Variants in TNFSF11 observed in about 807,000 individuals in gnomAD.
TNFSF11 encodes the protein tumor necrosis factor ligand superfamily member 11.
In TNFSF11, 12 loss-of-function variants were observed where a neutral mutation model predicts 32.2. That is an observed-to-expected ratio of 0.37 (90% CI 0.24 to 0.60). The LOEUF (loss-of-function observed/expected upper bound fraction) is 0.60, where lower values mean the gene tolerates loss of function less well. Ranked by LOEUF, TNFSF11 falls within the 20% of genes least tolerant of loss-of-function variation. The pLI, the probability that TNFSF11 is intolerant of heterozygous loss-of-function variation, is 0.66. For missense variants in TNFSF11, 345 were observed against 398.0 expected (o/e 0.87, Z 1.13); for synonymous variants, 172 against 152.1 (o/e 1.13, Z -0.96).
chr13:42,569,559 AAAG>A (rs1207112168), upstream of TNFSF11, among the ~76,000 whole-genome samples: 5 of 63,806 alleles, frequency 7.8e-5, no homozygotes, highest in Admixed American at 3.1e-4. Flanking sequence ...AAAAAAAAAA[AAAG>A]AAAAGAAAAG....
intron 2 of TNFSF11, among the ~76,000 whole-genome samples, chr13:42,600,398 T>C (rs1418475303): frequency 1.3e-5 from 2 of 152,232 alleles, no homozygotes; most frequent in African/African-American, 4.8e-5. Flanking sequence ...ATATATTCTG[T>C]GTAGTTGTTA....
intron 2 of TNFSF11, among the ~76,000 whole-genome samples, chr13:42,568,289 T>C (rs1872940398): frequency 6.6e-6 from 1 of 152,246 alleles, no homozygotes; most frequent in Non-Finnish European, 1.5e-5. Flanking sequence ...TGTGTTACTC[T>C]TCCCTCTGTT....
At chr13:42,580,213 G>T (rs1156287068) in intron 1 of TNFSF11, among the ~76,000 whole-genome samples, 1 of 152,178 alleles carries the variant, frequency 6.6e-6, no homozygotes. Context: ...GCTAATTATT[G>T]TTACCCTTTA....
chr13:42,597,804 C>T (rs1868904874), intron 2 of TNFSF11, among the ~76,000 whole-genome samples: 1 of 151,570 alleles, frequency 6.6e-6, no homozygotes, highest in East Asian at 1.9e-4. Context: ...AGTTTGAGGA[C>T]CACTGAGCTA....
rs568132742 is a variant in TNFSF11, at chr13:42,597,797, TTGAGGACCAC to T, written c.388-2950_388-2941del. The stretch of plus-strand genomic sequence containing the variant: ...TGGTGCAATGCATACATGCTCAAGT[TTGAGGACCAC>T]TGAGCTAGGACAAAGGCACTTTTCT... On this transcript the variant is annotated intron_variant, in intron 2 of 4. Coordinates refer to ENST00000398795, the MANE Select transcript of TNFSF11 (RefSeq NM_003701.4). 2.2e-3 allele frequency among the ~76,000 whole-genome samples: 336 copies of T among 152,304 alleles called. 3 individuals are homozygous for T. The highest frequency in any genetic ancestry group is 5.7e-4 in the Non-Finnish European group (39 of 68,016).
chr13:42,585,357 C>T (rs1232928419), intron 2 of TNFSF11, among the ~76,000 whole-genome samples: 2 of 152,182 alleles, frequency 1.3e-5, no homozygotes, highest in Non-Finnish European at 2.9e-5. Flanking sequence ...AGATACCAGA[C>T]ATAAGCACAA....
At chr13:42,568,580 C>A (rs576826156) in intron 2 of TNFSF11, among the ~76,000 whole-genome samples, 1 of 152,216 alleles carries the variant, frequency 6.6e-6, no homozygotes, top group Admixed American at 6.5e-5. Flanking sequence ...AATGGGTAAG[C>A]TGGATTAGAT....
intron 1 of TNFSF11, among the ~76,000 whole-genome samples, chr13:42,575,001 G>A (rs955109781): frequency 6.6e-6 from 1 of 152,240 alleles, no homozygotes; most frequent in African/African-American, 2.4e-5. Context: ...TGGCTGCTCT[G>A]CAGGTGTGCT....
chr13:42,578,132 C>A (rs1230715963), intron 1 of TNFSF11, among the ~76,000 whole-genome samples: 3 of 152,162 alleles, frequency 2.0e-5, no homozygotes, highest in Non-Finnish European at 4.4e-5. Context: ...TAATGATTTG[C>A]AACACTACAG....
chr13:42,601,603 A>G (rs1869179074), intron 4 of TNFSF11, among the ~76,000 whole-genome samples: 1 of 152,332 alleles, frequency 6.6e-6, no homozygotes, highest in Non-Finnish European at 1.5e-5. Flanking sequence ...CCCACTGGTT[A>G]CTTCACCATG....
At chr13:42,596,079 G>T (rs73466199) in intron 2 of TNFSF11, among the ~76,000 whole-genome samples, 2 of 152,114 alleles carry the variant, frequency 1.3e-5, no homozygotes, top group African/African-American at 4.8e-5. Flanking sequence ...AAATATTAGG[G>T]GGCTATCAAA....
intron 2 of TNFSF11, among the ~76,000 whole-genome samples, chr13:42,586,419 A>G (rs953614173): frequency 6.6e-6 from 1 of 152,252 alleles, no homozygotes; most frequent in Non-Finnish European, 1.5e-5. Context: ...CTGTCTTACC[A>G]GTCCTACAAT....
chr13:42,594,333 T>C (rs1868667319), intron 2 of TNFSF11, among the ~76,000 whole-genome samples: 1 of 152,098 alleles, frequency 6.6e-6, no homozygotes. Flanking sequence ...TCCACTTGCC[T>C]CAGCCTCCGA....
chr13:42,581,133 C>A lies in TNFSF11; in HGVS notation c.227C>A (p.Pro76His). Reference sequence around the variant, plus strand: ...ACTGTTTCTCCTCCTCAGATGGATCCTAATAGAATATCAGAAGATGGCACT... The same window carrying A: ...ACTGTTTCTCCTCCTCAGATGGATCATAATAGAATATCAGAAGATGGCACT... ...LFFYFRAQMDPNRISEDGTHC... is the reference protein window; with the variant it reads ...LFFYFRAQMDHNRISEDGTHC... Residue 76 changes from proline (P) to histidine (H), a missense_variant, in exon 2 of 5, where the codon CCT (proline) becomes CAT (histidine). Coordinates refer to ENST00000398795, the MANE Select transcript of TNFSF11 (RefSeq NM_003701.4). 6.2e-7 allele frequency: 1 copy of A among 1,613,960 alleles called. No homozygotes were observed. The highest frequency in any genetic ancestry group is 8.5e-7 in the Non-Finnish European group (1 of 1,179,926).
intron 2 of TNFSF11, among the ~76,000 whole-genome samples, chr13:42,567,782 G>A (rs1215462455): frequency 6.6e-6 from 1 of 152,164 alleles, no homozygotes; most frequent in African/African-American, 2.4e-5. Flanking sequence ...CAAGAGCTAT[G>A]GCCATGCCAG....
intron 1 of TNFSF11, among the ~76,000 whole-genome samples, chr13:42,564,744 A>G (rs1044916819): frequency 6.6e-6 from 1 of 152,210 alleles, no homozygotes; most frequent in African/African-American, 2.4e-5. Flanking sequence ...TAATGTAGAT[A>G]TTATTTTGCA....
intron 1 of TNFSF11, among the ~76,000 whole-genome samples, chr13:42,580,423 T>A (rs1046231235): frequency 1.3e-5 from 2 of 152,130 alleles, no homozygotes; most frequent in African/African-American, 4.8e-5. Context: ...GTAATATCTG[T>A]TCATGCAGCC....
chr13:42,578,725 T>TGA (rs1873442661), intron 1 of TNFSF11, among the ~76,000 whole-genome samples: 1 of 150,990 alleles, frequency 6.6e-6, no homozygotes, highest in African/African-American at 2.4e-5. Context: ...AATTGGCCAG[T>TGA]GAGGGGTGGG....
rs189725636 is a variant in TNFSF11 at position 42,605,999 on chromosome 13, G to A, written c.533-498G>A. On this transcript the variant is annotated intron_variant, in intron 4 of 4. Coordinates refer to ENST00000398795, the MANE Select transcript of TNFSF11 (RefSeq NM_003701.4). ...TCCTATCCTAGTTTCTTGCTTTCCT[G>A]TCTCAGTTGCCTTTGGCTTATCTCT... Among the ~76,000 whole-genome samples, 26 of 152,272 alleles carry A rather than the reference G, an allele frequency of 1.7e-4. No homozygotes were observed. In the East Asian group the frequency reaches 3.7e-3, roughly 21 times the overall value.
Sources: allele counts gnomAD v4.1 joint callset (sites outside exome capture counted in the v4.1 genomes callset), GRCh38; gene constraint gnomAD v4.1.1; transcripts MANE v1.5; gene names NCBI Gene and HGNC (gene_info 2026-07-23, HGNC 2026-07-21).